SLC35C1: variants seen among roughly 807,000 people sequenced by gnomAD.
The protein encoded by SLC35C1 is GDP-fucose transporter 1.
A neutral mutation model predicts 23.2 loss-of-function variants in SLC35C1; 8 were observed. The observed-to-expected ratio is 0.35, with a 90% CI of 0.20 to 0.62. The LOEUF (loss-of-function observed/expected upper bound fraction) is 0.62, where lower values mean the gene tolerates loss of function less well. Among genes scored for constraint, SLC35C1 ranks in the 20% least tolerant of loss-of-function variants. The probability of loss-of-function intolerance (pLI) is 0.75; values close to 1 mark genes in which losing one functional copy is unlikely to be tolerated. For missense variants in SLC35C1, 422 were observed against 478.6 expected, an observed-to-expected ratio of 0.88 and a Z score of 1.10; for synonymous variants, 226 against 225.1, an observed-to-expected ratio of 1.00 and a Z score of -0.04.
Position 45,811,077 on chromosome 11 carries a change from C to T in SLC35C1, c.837C>T (p.Ala279=), listed in dbSNP as rs371692301. 89 of 1,613,270 alleles carry T rather than the reference C, an allele frequency of 5.5e-5. No individual in the cohort carries two copies. The Middle Eastern group carries it at 9.9e-4, about 18-fold the overall frequency. ...MMTLGGLFGF[A]IGYVTGLQIK... ...CGCTGGGCGGCCTGTTTGGCTTTGC[C>T]ATCGGCTACGTGACAGGACTGCAGA... The change falls in exon 2 of 2, where the codon GCC becomes GCT. Residue 279 remains alanine (A), a synonymous_variant. Transcript: ENST00000314134.
upstream of SLC35C1, chr11:45,804,399 G>A (rs553300373): frequency 3.8e-6 from 3 of 799,376 alleles, no homozygotes; most frequent in East Asian, 2.5e-4. Flanking sequence ...TCGCGGGGCG[G>A]GCGCCCAGTG....
rs886048310 is a variant in SLC35C1, at chr11:45,805,321, G to A, written c.-481G>A. ...CCCGGCCTCCGGCAGCTCCCTGTAC[G>A]CCTCCCTCCCCCTGCCCGCCCCTCC... On this transcript the variant is annotated 5_prime_UTR_variant, in exon 1 of 2. Transcript: ENST00000314134. The A allele has an allele frequency of 6.8e-5, 70 of 1,022,076 alleles. No individual in the cohort carries two copies. Among genetic ancestry groups the A allele is most frequent in the Non-Finnish European group, 8.0e-5 (68 of 851,536 alleles). 63.3% of individuals were successfully genotyped at this position (1,022,076 alleles called of 1,614,324 possible).
chr11:45,806,084 GC>G lies in SLC35C1; in HGVS notation c.285del (p.Ala96ProfsTer32). 8 of 1,611,490 alleles carry G rather than the reference GC, an allele frequency of 5.0e-6. No homozygotes were observed. The highest frequency in any genetic ancestry group is 6.8e-6 in the Non-Finnish European group (8 of 1,179,960). Reference protein sequence around the residue: ...TLLCKGLSALAACCPGAVDFP... With the variant: ...TLLCKGLSALXACCPGAVDFP... Reference sequence around the variant, plus strand: ...GCTGTGCAAAGGCCTCAGCGCTCTGGCCGCCTGCTGCCCTGGTGCCGTGGAC... The same window carrying G: ...GCTGTGCAAAGGCCTCAGCGCTCTGGCGCCTGCTGCCCTGGTGCCGTGGAC... On this transcript the variant is annotated frameshift_variant, in exon 1 of 2. Coordinates refer to ENST00000314134, the MANE Select transcript of SLC35C1 (RefSeq NM_018389.5). LOFTEE classifies it high-confidence loss of function.
rs2134599433 is a variant in SLC35C1, at chr11:45,811,565, T to C, written c.*230T>C. ...GTAATACCAGAAAGTTGCCAAACCC[T>C]TCTCTATCCTCTCGTATTTCTGAGT... is the stretch of plus-strand genomic sequence containing the variant. On this transcript the variant is annotated 3_prime_UTR_variant, in exon 2 of 2. Coordinates refer to ENST00000314134, the MANE Select transcript of SLC35C1 (RefSeq NM_018389.5). 2 of 463,214 alleles carry C rather than the reference T, an allele frequency of 4.3e-6. No homozygotes were observed. The highest frequency in any genetic ancestry group is 3.9e-5 in the African/African-American group (2 of 51,440). The allele number at this position is 463,214 out of a possible 1,614,324, so 28.7% of individuals were successfully genotyped here.
chr11:45,809,030 GC>G (rs1366131359), intron 1 of SLC35C1, among the ~76,000 whole-genome samples: 2 of 152,208 alleles, frequency 1.3e-5, no homozygotes, highest in Non-Finnish European at 2.9e-5. Flanking sequence ...AGAGAAGAGT[GC>G]TGTGTGTTGA....
At chr11:45,806,511 G>C (rs990313564) in intron 1 of SLC35C1, among the ~76,000 whole-genome samples, 175 bp downstream of exon 1, 3 of 152,200 alleles carry the variant, frequency 2.0e-5, no homozygotes, top group African/African-American at 4.8e-5. Context: ...AGGTCACCCA[G>C]CAAGTTAGGA....
chr11:45,810,312 A>G, intron 1 of SLC35C1: 1 of 985,416 alleles, frequency 1.0e-6, no homozygotes, highest in Non-Finnish European at 1.2e-6. Flanking sequence ...AGGCTTAGAC[A>G]CTGGAAGTCA....
At position 45,805,259 on chromosome 11, in the gene SLC35C1, C is replaced by T; in HGVS notation, c.-543C>T. 1 of 1,000,240 alleles carries T rather than the reference C, an allele frequency of 1.0e-6. No individual in the cohort carries two copies. The highest frequency in any genetic ancestry group is 1.2e-6 in the Non-Finnish European group (1 of 837,772). 62.0% of individuals were successfully genotyped at this position (1,000,240 alleles called of 1,614,324 possible). A position where few individuals can be genotyped will look rare whatever the true frequency, so the allele number is the denominator to read the frequency against. On this transcript the variant is annotated 5_prime_UTR_variant, in exon 1 of 2. Transcript: ENST00000314134. The stretch of plus-strand genomic sequence containing the variant: ...GCGTCCTTCAGCCCCAAGCCCCGAG[C>T]CCCTCTGACCCTTCCGCAGCCCTCC...
upstream of SLC35C1, chr11:45,804,141 C>G (rs2085839556): frequency 6.6e-6 from 1 of 152,440 alleles, no homozygotes; most frequent in South Asian, 2.1e-4. Context: ...AGTCCCGGGA[C>G]GTGCCAGCTG....
At chr11:45,805,011 G>T (rs978318411), upstream of SLC35C1, 8 of 985,624 alleles carry the variant, frequency 8.1e-6, no homozygotes, top group African/African-American at 1.4e-4. Context: ...GCGGAGCGCA[G>T]GGGCGGGGCT....
At chr11:45,810,126 GC>G in intron 1 of SLC35C1, 10 of 985,430 alleles carry the variant, frequency 1.0e-5, no homozygotes, top group Non-Finnish European at 1.2e-5. Flanking sequence ...ACCCCCGCCT[GC>G]CACGCCAAGG....
chr11:45,807,706 C>T (rs1430648173), intron 1 of SLC35C1, among the ~76,000 whole-genome samples: 3 of 152,316 alleles, frequency 2.0e-5, no homozygotes, highest in East Asian at 3.9e-4. Flanking sequence ...GGATCTAGGG[C>T]TGCTGGGTCT....
In SLC35C1 at chr11:45,811,044, GA is replaced by G; in HGVS notation, c.805del (p.Met269Ter). ...AGCTGGGCAGTGCCCACTTCTGGGG[GA>G]TGATGACGCTGGGCGGCCTGTTTGG... Reference protein sequence around the residue: ...AQLGSAHFWGMMTLGGLFGFA... With the variant: ...AQLGSAHFWGXMTLGGLFGFA... On this transcript the variant is annotated frameshift_variant, in exon 2 of 2. Coordinates refer to ENST00000314134, the MANE Select transcript of SLC35C1 (RefSeq NM_018389.5). LOFTEE classifies it high-confidence loss of function. 1 of 1,613,104 alleles carries G rather than the reference GA, an allele frequency of 6.2e-7. No homozygotes were observed. The highest frequency in any genetic ancestry group is 2.2e-5 in the East Asian group (1 of 44,876).
Position 45,812,387 on chromosome 11 carries a change from C to A in SLC35C1, c.*1052C>A. On this transcript the variant is annotated 3_prime_UTR_variant, in exon 2 of 2. Transcript: ENST00000314134. ...CTGAGGTTGTGGCTGACAGAGCCTG[C>A]TTGGCCCCACTGTTAGTCCAGCGAG... 2.7e-6 allele frequency: 1 copy of A among 368,462 alleles called. No homozygotes were observed. The allele number at this position is 368,462 out of a possible 1,614,324, so 22.8% of individuals were successfully genotyped here. A position where few individuals can be genotyped will look rare whatever the true frequency, so the allele number is the denominator to read the frequency against.
intron 1 of SLC35C1, among the ~76,000 whole-genome samples, chr11:45,809,300 G>A (rs979457509): frequency 9.2e-5 from 14 of 152,174 alleles, no homozygotes; most frequent in African/African-American, 3.4e-4. Flanking sequence ...GGCAAGGGAG[G>A]GGACCCGGGG....
chr11:45,810,364 C>A (rs117955292), intron 1 of SLC35C1: 1 of 985,432 alleles, frequency 1.0e-6, no homozygotes, highest in Non-Finnish European at 1.2e-6. Flanking sequence ...CACTAAGTGG[C>A]ACTCATTCTT....
upstream of SLC35C1, chr11:45,805,056 G>A (rs570970122): frequency 2.0e-5 from 20 of 985,570 alleles, no homozygotes; most frequent in Non-Finnish European, 2.4e-5. Flanking sequence ...TGGGGCTGTC[G>A]CTTTAAGGGC....
In SLC35C1 at chr11:45,811,349, C is replaced by T; in HGVS notation, c.*14C>T. Reference sequence around the variant, plus strand: ...ATGGGGGTGTGAGCACCACAGGCACCCTGGATGGCCCGGCCCCGGGGCCCG... The same window carrying T: ...ATGGGGGTGTGAGCACCACAGGCACTCTGGATGGCCCGGCCCCGGGGCCCG... On this transcript the variant is annotated 3_prime_UTR_variant, in exon 2 of 2. Coordinates refer to ENST00000314134, the MANE Select transcript of SLC35C1 (RefSeq NM_018389.5). 3 of 1,486,716 alleles carry T rather than the reference C, an allele frequency of 2.0e-6. No individual in the cohort carries two copies. Among genetic ancestry groups the T allele is most frequent in the Non-Finnish European group, 2.7e-6 (3 of 1,128,728 alleles). 92.1% of individuals were successfully genotyped at this position (1,486,716 alleles called of 1,614,324 possible). A position where few individuals can be genotyped will look rare whatever the true frequency, so the allele number is the denominator to read the frequency against.
In SLC35C1 at chr11:45,811,143, G is replaced by T. The variant is rs150743224; in HGVS notation, c.903G>T (p.Thr301=). ...TSPLTHNVSG[T]AKACAQTVLA... ...CGCTGACCCACAATGTGTCGGGCAC[G>T]GCCAAGGCCTGTGCCCAGACAGTGC... The change falls in exon 2 of 2, where the codon ACG becomes ACT. Residue 301 remains threonine (T), a synonymous_variant. Transcript: ENST00000314134. 9.7e-5 allele frequency: 157 copies of T among 1,611,482 alleles called. No individual in the cohort carries two copies. The highest frequency in any genetic ancestry group is 1.2e-4 in the Non-Finnish European group (140 of 1,179,990).
Sources: allele counts gnomAD v4.1 joint callset (sites outside exome capture counted in the v4.1 genomes callset), GRCh38; gene constraint gnomAD v4.1.1; transcripts MANE v1.5; gene names NCBI Gene and HGNC (gene_info 2026-07-23, HGNC 2026-07-21).